The following UBE2E3 variants were observed in gnomAD, a reference collection of about 807,000 sequenced individuals.
UBE2E3 encodes ubiquitin conjugating enzyme E2 E3.
In UBE2E3, 5 loss-of-function variants were observed where a neutral mutation model predicts 23.6. The ratio of observed to expected loss-of-function variants is 0.21; its 90% CI spans 0.11 to 0.44. UBE2E3 has a LOEUF of 0.44. UBE2E3 is among the 20% of genes least tolerant of loss of function. The probability of loss-of-function intolerance (pLI) is 0.99; values close to 1 mark genes in which losing one functional copy is unlikely to be tolerated. For missense variants in UBE2E3, 81 were observed against 249.8 expected (o/e 0.32, Z 4.55); for synonymous variants, 78 against 87.5 (o/e 0.89, Z 0.60).
intron 3 of UBE2E3, among the ~76,000 whole-genome samples, chr2:181,041,253 AGAT>A (rs1444597703): frequency 2.0e-5 from 3 of 148,440 alleles, no homozygotes; most frequent in African/African-American, 5.0e-5. Context: ...AAAAAAAAAA[AGAT>A]AGATTTTTTT....
At chr2:181,046,263 T>G (rs906389978) in intron 3 of UBE2E3, among the ~76,000 whole-genome samples, 1 of 152,100 alleles carries the variant, frequency 6.6e-6, no homozygotes, top group African/African-American at 2.4e-5. Flanking sequence ...TTTGAGTCTT[T>G]CGCAGGTCAG....
chr2:181,016,266 G>A (rs1685486827), intron 3 of UBE2E3, among the ~76,000 whole-genome samples: 1 of 151,588 alleles, frequency 6.6e-6, no homozygotes, highest in Non-Finnish European at 1.5e-5. Flanking sequence ...TTTTAGTACA[G>A]ACAGGATCTC....
At chr2:180,988,653 A>G (rs1018296613) in intron 3 of UBE2E3, among the ~76,000 whole-genome samples, 2 of 152,112 alleles carry the variant, frequency 1.3e-5, no homozygotes, top group Non-Finnish European at 2.9e-5. Flanking sequence ...CATTCTTTCC[A>G]TGTCTGTGAA....
intron 3 of UBE2E3, among the ~76,000 whole-genome samples, chr2:181,038,369 A>G (rs1398756224): frequency 6.6e-6 from 1 of 152,228 alleles, no homozygotes; most frequent in East Asian, 1.9e-4. Context: ...TTGTGTAAAT[A>G]CGCTATGATG....
chr2:181,052,727 T>A (rs1468763481), intron 3 of UBE2E3, among the ~76,000 whole-genome samples: 1 of 151,786 alleles, frequency 6.6e-6, no homozygotes, highest in African/African-American at 2.4e-5. Flanking sequence ...TCTAATCATA[T>A]CAAGACCTAG....
At chr2:180,994,727 A>G (rs929094953) in intron 3 of UBE2E3, among the ~76,000 whole-genome samples, 48 of 152,326 alleles carry the variant, frequency 3.2e-4, no homozygotes, top group African/African-American at 1.1e-3. Flanking sequence ...TACAATTTGA[A>G]AGAAACTTGC....
chr2:181,004,333 T>C (rs1323979569), intron 3 of UBE2E3, among the ~76,000 whole-genome samples: 4 of 152,214 alleles, frequency 2.6e-5, no homozygotes, highest in African/African-American at 9.7e-5. Context: ...CCTGATTAGC[T>C]GTAGCTTAAG....
intron 3 of UBE2E3, among the ~76,000 whole-genome samples, chr2:181,026,127 A>C (rs908469330): frequency 6.6e-6 from 1 of 151,918 alleles, no homozygotes; most frequent in African/African-American, 2.4e-5. Flanking sequence ...TGAATACTTA[A>C]ATAGTTTTAA....
At chr2:180,983,103 A>G (rs1226808682) in intron 2 of UBE2E3, among the ~76,000 whole-genome samples, 3 of 152,244 alleles carry the variant, frequency 2.0e-5, no homozygotes, top group Admixed American at 1.3e-4. Flanking sequence ...CATAAAATGT[A>G]TAATGTTTAC....
Position 181,063,262 on chromosome 2 carries a change from A to T in UBE2E3, c.*374A>T, listed in dbSNP as rs535513024. 1 of 153,568 alleles carries T rather than the reference A, an allele frequency of 6.5e-6. No individual in the cohort carries two copies. Among genetic ancestry groups the T allele is most frequent in the African/African-American group, 2.4e-5 (1 of 41,424 alleles). 9.5% of individuals were successfully genotyped at this position (153,568 alleles called of 1,614,324 possible). A position where few individuals can be genotyped will look rare whatever the true frequency, so the allele number is the denominator to read the frequency against. On this transcript the variant is annotated 3_prime_UTR_variant, in exon 6 of 6. Transcript: ENST00000410062. This position sits in a 1 kb window ranked among gnomAD's most constrained non-coding sequence, Gnocchi z 4.1. ...GATGGCTAGGAATTATGTCATTTGT[A>T]TTAAACCCAGATCTATTTCTGAGTA...
At chr2:181,040,199 C>T (rs181100261) in intron 3 of UBE2E3, among the ~76,000 whole-genome samples, 1 of 152,236 alleles carries the variant, frequency 6.6e-6, no homozygotes, top group African/African-American at 2.4e-5. Context: ...TGGAAGATTG[C>T]GTTATAGTCA....
chr2:181,021,354 CTT>C (rs1287039465), intron 3 of UBE2E3, among the ~76,000 whole-genome samples: 8 of 142,976 alleles, frequency 5.6e-5, no homozygotes, highest in Admixed American at 5.6e-4. Flanking sequence ...CTTCTTTTCT[CTT>C]CTTTTTTTTT....
At chr2:180,992,039 T>G (rs1684674010) in intron 3 of UBE2E3, among the ~76,000 whole-genome samples, 1 of 152,242 alleles carries the variant, frequency 6.6e-6, no homozygotes, top group African/African-American at 2.4e-5. Context: ...TTACTACTCA[T>G]GATGAAAGGG....
intron 3 of UBE2E3, among the ~76,000 whole-genome samples, chr2:181,038,841 G>A (rs920558612): frequency 2.0e-5 from 3 of 152,094 alleles, no homozygotes; most frequent in African/African-American, 4.8e-5. Context: ...ATCATTAGTC[G>A]TTAGAAAAAT....
chr2:181,035,155 T>C (rs991260259), intron 3 of UBE2E3, among the ~76,000 whole-genome samples: 1 of 152,222 alleles, frequency 6.6e-6, no homozygotes, highest in African/African-American at 2.4e-5. Context: ...TGTTTTGTTT[T>C]AATATTTATA....
intron 3 of UBE2E3, among the ~76,000 whole-genome samples, chr2:181,008,436 C>T (rs1001859405): frequency 1.3e-5 from 2 of 152,216 alleles, no homozygotes; most frequent in Admixed American, 1.3e-4. Flanking sequence ...AGAGTTCATG[C>T]TCTTAACTGC....
intron 3 of UBE2E3, among the ~76,000 whole-genome samples, chr2:181,014,381 T>G (rs985781777): frequency 8.5e-5 from 13 of 152,112 alleles, no homozygotes; most frequent in Non-Finnish European, 1.5e-4. Context: ...GTATTTTAGG[T>G]GTATAGATGG....
chr2:181,050,234 A>G (rs563373158), intron 3 of UBE2E3, among the ~76,000 whole-genome samples: 184 of 152,128 alleles, frequency 1.2e-3, no homozygotes, highest in African/African-American at 4.2e-3. Context: ...ACATACTAGT[A>G]TAGATTTTTA....
At chr2:181,028,037 A>T (rs900106989) in intron 3 of UBE2E3, among the ~76,000 whole-genome samples, 1 of 152,034 alleles carries the variant, frequency 6.6e-6, no homozygotes, top group African/African-American at 2.4e-5. Flanking sequence ...CCCAGATGTG[A>T]TCATTATTCT....
Sources: gnomAD v4.1 joint callset for allele counts (sites outside exome capture counted in the v4.1 genomes callset) on GRCh38, gnomAD v4.1.1 for gene constraint, Gnocchi (gnomAD v3.1) non-coding constraint, MANE v1.5 for transcripts, NCBI Gene and HGNC (gene_info 2026-07-23, HGNC 2026-07-21) for gene names.